The following CLIP1 variants were observed in gnomAD, a reference collection of about 807,000 sequenced individuals.
The protein encoded by CLIP1 is CAP-Gly domain-containing linker protein 1.
In CLIP1, 66 loss-of-function variants were observed where a neutral mutation model predicts 161.6. The ratio of observed to expected loss-of-function variants is 0.41; its 90% CI spans 0.33 to 0.50. CLIP1 has a LOEUF of 0.50. Among genes scored for constraint, CLIP1 ranks in the 20% least tolerant of loss-of-function variants. CLIP1 has a pLI of 0.27. For missense variants in CLIP1, 1,376 were observed against 1,702.0 expected, an observed-to-expected ratio of 0.81 and a Z score of 3.37; for synonymous variants, 598 against 626.2, an observed-to-expected ratio of 0.96 and a Z score of 0.67.
At chr12:122,318,869 C>T (rs906166162) in intron 18 of CLIP1, among the ~76,000 whole-genome samples, 4 of 152,140 alleles carry the variant, frequency 2.6e-5, no homozygotes, top group African/African-American at 9.7e-5. Context: ...ACATCAGACT[C>T]AGGGCTGAGG....
chr12:122,280,588 G>C (rs1955608980), intron 21 of CLIP1: 1 of 152,220 alleles, frequency 6.6e-6, no homozygotes, highest in African/African-American at 2.4e-5. Context: ...AGAGTATGCT[G>C]CTCATGGGAG....
At chr12:122,273,934 G>T in intron 25 of CLIP1, 104 bp downstream of exon 25, 1 of 887,610 alleles carries the variant, frequency 1.1e-6, no homozygotes, top group Non-Finnish European at 1.8e-6. Context: ...GTTTCATCGT[G>T]TTGGCCAGGC....
chr12:122,278,350 G>T, intron 23 of CLIP1, 147 bp from the exon 24 acceptor site: 1 of 750,634 alleles, frequency 1.3e-6, no homozygotes, highest in Non-Finnish European at 2.2e-6. Flanking sequence ...AGCACATGTG[G>T]ATGAGTTTGT....
chr12:122,282,282 C>T (rs183285157), intron 21 of CLIP1, among the ~76,000 whole-genome samples: 18 of 152,260 alleles, frequency 1.2e-4, no homozygotes, highest in East Asian at 9.6e-4. Flanking sequence ...TACATTAAAC[C>T]ATTGTCTATG....
intron 21 of CLIP1, among the ~76,000 whole-genome samples, chr12:122,281,863 C>T (rs530349528): frequency 6.6e-6 from 1 of 151,772 alleles, no homozygotes; most frequent in African/African-American, 2.4e-5. Context: ...CTAAAAAAAA[C>T]CAGGATTTTG....
chr12:122,376,821 T>G (rs1214016408), intron 3 of CLIP1, among the ~76,000 whole-genome samples: 1 of 151,996 alleles, frequency 6.6e-6, no homozygotes, highest in East Asian at 1.9e-4. Context: ...AAACTCAATA[T>G]TCTTTTAGCT....
At chr12:122,373,432 G>GA (rs202091201) in intron 3 of CLIP1, among the ~76,000 whole-genome samples, 20,285 of 106,792 alleles carry the variant, frequency 0.19, 1,767 homozygotes, top group East Asian at 0.5. Flanking sequence ...TCAAAAAAAA[G>GA]AAAAAAAAAA....
chr12:122,362,568 G>T (rs1953904701), intron 4 of CLIP1, among the ~76,000 whole-genome samples: 1 of 135,302 alleles, frequency 7.4e-6, no homozygotes, highest in Non-Finnish European at 1.5e-5. Context: ...TTGAACCTGA[G>T]AGTCAGAGGT....
intron 20 of CLIP1, among the ~76,000 whole-genome samples, chr12:122,290,244 C>A (rs931364958): frequency 3.2e-4 from 49 of 152,182 alleles, no homozygotes; most frequent in African/African-American, 1.2e-3. Flanking sequence ...ACATAAATAT[C>A]CCTTTACCAT....
Position 122,323,890 on chromosome 12 carries a change from C to T in CLIP1, c.3249+4057G>A, listed in dbSNP as rs947834117. On this transcript the variant is annotated intron_variant, in intron 17 of 25. Coordinates refer to ENST00000620786, the MANE Select transcript of CLIP1 (RefSeq NM_001247997.2). The surrounding 1 kb of genome is among the most constrained non-coding windows in gnomAD (Gnocchi z 4.1). ...CGGTAATAAGTTTCTTGATCTGGTC[C>T]TCCAGGTGATCTTTTTCTTCCTGGT... The T allele has an allele frequency of 6.6e-6, 1 of 152,610 alleles. No homozygotes were observed. Among genetic ancestry groups the T allele is most frequent in the African/African-American group, 2.4e-5 (1 of 41,444 alleles). 9.5% of individuals were successfully genotyped at this position (152,610 alleles called of 1,614,324 possible).
chr12:122,380,622 CT>C (rs1954973177), intron 1 of CLIP1, 64 bp from the exon 2 acceptor site: 1 of 452,596 alleles, frequency 2.2e-6, no homozygotes. Context: ...CAACAGGTAG[CT>C]TTCATAGACT....
chr12:122,325,232 AT>A (rs1951666088), intron 17 of CLIP1, among the ~76,000 whole-genome samples: 1 of 151,860 alleles, frequency 6.6e-6, no homozygotes, highest in Non-Finnish European at 1.5e-5. Context: ...TAATTTTTGT[AT>A]TTTTAGTAGA....
At chr12:122,361,208 A>C (rs1246936759) in intron 4 of CLIP1, 27 bp from the exon 5 acceptor site, 5 of 1,533,920 alleles carry the variant, frequency 3.3e-6, no homozygotes, top group Non-Finnish European at 4.5e-6. Flanking sequence ...GAACAATAAC[A>C]AAAAACAACT....
chr12:122,394,847 G>A (rs1001902471), intron 1 of CLIP1, among the ~76,000 whole-genome samples: 7 of 151,952 alleles, frequency 4.6e-5, no homozygotes, highest in South Asian at 4.1e-4. Context: ...ATGAGACTCC[G>A]GCTCAAAAAT....
At chr12:122,278,680 A>G in intron 23 of CLIP1, 112 bp downstream of exon 23, 1 of 1,121,302 alleles carries the variant, frequency 8.9e-7, no homozygotes, top group Non-Finnish European at 1.3e-6. Flanking sequence ...AGAGCTAAGG[A>G]GAGTCAGGGT....
intron 17 of CLIP1, among the ~76,000 whole-genome samples, chr12:122,325,051 A>G (rs1181105798): frequency 2.2e-5 from 3 of 134,134 alleles, no homozygotes; most frequent in Admixed American, 8.3e-5. Flanking sequence ...CTGCAATGAT[A>G]TAATTTTTTT....
intron 1 of CLIP1, among the ~76,000 whole-genome samples, chr12:122,403,494 GTTTTGT>G (rs1389081168): frequency 3.9e-4 from 22 of 55,816 alleles, no homozygotes; most frequent in South Asian, 3.4e-3. Flanking sequence ...ATCATTTCTT[GTTTTGT>G]TTTTTTTTTT....
chr12:122,285,043 T>C (rs1264018636), intron 21 of CLIP1, among the ~76,000 whole-genome samples: 1 of 152,074 alleles, frequency 6.6e-6, no homozygotes, highest in Non-Finnish European at 1.5e-5. Flanking sequence ...ACTGAATACC[T>C]GGGCTCAAGT....
Position 122,272,980 on chromosome 12 carries a change from G to T in CLIP1, c.4212C>A (p.Pro1404=), listed in dbSNP as rs760908832. ...PTQAQMSEDP[P]HSTHHGSRGE... is the part of the protein sequence containing the mutation. ...CCCGACTGCCATGGTGTGTGGAATG[G>T]GGAGGGTCCTCTGACATCTGTGCCT... Residue 1404 remains proline, a synonymous_variant, in exon 26 of 26, where the codon CCC becomes CCA. Coordinates refer to ENST00000620786, the MANE Select transcript of CLIP1 (RefSeq NM_001247997.2). The T allele has an allele frequency of 6.2e-7, 1 of 1,614,178 alleles. No individual in the cohort carries two copies. The highest frequency in any genetic ancestry group is 8.5e-7 in the Non-Finnish European group (1 of 1,180,022).
Sources: gnomAD v4.1 joint callset for allele counts (sites outside exome capture counted in the v4.1 genomes callset) on GRCh38, gnomAD v4.1.1 for gene constraint, Gnocchi (gnomAD v3.1) non-coding constraint, MANE v1.5 for transcripts, NCBI Gene and HGNC (gene_info 2026-07-23, HGNC 2026-07-21) for gene names.